The following BLOC1S5 variants were observed in gnomAD, a reference collection of about 807,000 sequenced individuals.
BLOC1S5 encodes the protein biogenesis of lysosome-related organelles complex 1 subunit 5.
A neutral mutation model predicts 24.3 loss-of-function variants in BLOC1S5; 27 were observed. The observed-to-expected ratio is 1.11, with a 90% CI of 0.82 to 1.53. The LOEUF (loss-of-function observed/expected upper bound fraction) is 1.53, where lower values mean the gene tolerates loss of function less well. BLOC1S5 is among the 40% of genes most tolerant of loss of function. The pLI is 0.00. For synonymous variants in BLOC1S5, 84 were observed against 74.5 expected, an observed-to-expected ratio of 1.13 and a Z score of -0.66; for missense variants, 239 against 229.4, an observed-to-expected ratio of 1.04 and a Z score of -0.27.
chr6:8,044,315 T>C (rs898377481), intron 2 of BLOC1S5, among the ~76,000 whole-genome samples: 5 of 148,830 alleles, frequency 3.4e-5, no homozygotes, highest in South Asian at 2.1e-4. Flanking sequence ...GAAGGAAGTG[T>C]CTTTCGCCTC....
chr6:8,041,581 G>A (rs370071053), intron 2 of BLOC1S5, among the ~76,000 whole-genome samples: 38 of 150,666 alleles, frequency 2.5e-4, no homozygotes, highest in African/African-American at 8.5e-4. Flanking sequence ...CAAAGTGCTG[G>A]GATTATAATC....
intron 3 of BLOC1S5, among the ~76,000 whole-genome samples, chr6:8,031,608 G>GAA (rs151232715): frequency 4.6e-5 from 7 of 151,154 alleles, no homozygotes; most frequent in Admixed American, 2.6e-4. Context: ...CACAGCACTA[G>GAA]AAAAAAAAAT....
intron 3 of BLOC1S5, among the ~76,000 whole-genome samples, chr6:8,028,070 T>C (rs568502320): frequency 6.6e-6 from 1 of 152,178 alleles, no homozygotes; most frequent in Non-Finnish European, 1.5e-5. Flanking sequence ...CATTTATTAA[T>C]ATCTTGCCTT....
rs559554184 is a variant in BLOC1S5 at position 8,015,402 on chromosome 6, A to T, written c.*247T>A. 9 of 428,646 alleles carry T rather than the reference A, an allele frequency of 2.1e-5. No individual in the cohort carries two copies. The South Asian group carries it at 3.9e-4, about 19-fold the overall frequency. The allele number at this position is 428,646 out of a possible 1,614,324, so 26.6% of individuals were successfully genotyped here. On this transcript the variant is annotated 3_prime_UTR_variant, in exon 5 of 5. Transcript: ENST00000397457. ...ATTCTGACTAACAAAGAGTATATTG[A>T]TTCCATTTTCCTTCCTACTCCTCTT...
chr6:8,057,273 C>T lies in BLOC1S5; in HGVS notation c.195+5261G>A, dbSNP rs1764347041. Among the ~76,000 whole-genome samples the T allele has an allele frequency of 2.6e-5, 4 of 152,072 alleles. No homozygotes were observed. The South Asian group carries it at 8.3e-4, about 31-fold the overall frequency. ...CAAAAAAACCCCAAAAAACCCATGA[C>T]ACTATTATACAAAAAAGACGTTAGA... On this transcript the variant is annotated intron_variant, in intron 2 of 4. Coordinates refer to ENST00000397457, the MANE Select transcript of BLOC1S5 (RefSeq NM_201280.3).
intron 4 of BLOC1S5, among the ~76,000 whole-genome samples, chr6:8,022,247 G>C (rs1174517245): frequency 1.3e-5 from 2 of 149,438 alleles, no homozygotes; most frequent in South Asian, 2.2e-4. Context: ...CTGGCATCTA[G>C]TAGGCAGAGG....
At chr6:8,017,009 G>T (rs1762764075) in intron 4 of BLOC1S5, among the ~76,000 whole-genome samples, 1 of 151,918 alleles carries the variant, frequency 6.6e-6, no homozygotes, top group Non-Finnish European at 1.5e-5. Context: ...AGGATGAAAG[G>T]TTTTTTCTTT....
intron 3 of BLOC1S5, among the ~76,000 whole-genome samples, chr6:8,035,984 C>T (rs1417719871): frequency 2.0e-5 from 3 of 152,062 alleles, no homozygotes; most frequent in Admixed American, 6.6e-5. Context: ...TCTTAGGCCA[C>T]AAAACAAGTC....
rs1757373898 is a variant in BLOC1S5, at chr6:8,064,309, CTCT to C, written c.65_67del (p.Lys22del). 1 of 1,613,624 alleles carries C rather than the reference CTCT, an allele frequency of 6.2e-7. No homozygotes were observed. On this transcript the variant is annotated inframe_deletion, in exon 1 of 5. Transcript: ENST00000397457. ...TGAGCCCGCAGTCCCCAGGGAGTCC[CTCT>C]TCTTGCTGCCACCGCCCGGGGCGGC... is the stretch of plus-strand genomic sequence containing the variant.
At chr6:8,039,862 G>A (rs1763619423) in intron 3 of BLOC1S5, among the ~76,000 whole-genome samples, 3 of 152,120 alleles carry the variant, frequency 2.0e-5, no homozygotes, top group Admixed American at 6.6e-5. Flanking sequence ...CACAAATATG[G>A]AATTTAATTA....
At chr6:8,046,509 T>A (rs1179885837) in intron 2 of BLOC1S5, among the ~76,000 whole-genome samples, 1 of 151,850 alleles carries the variant, frequency 6.6e-6, no homozygotes, top group African/African-American at 2.4e-5. Flanking sequence ...TGAGGTTTTT[T>A]ATTTTTTTTG....
intron 2 of BLOC1S5, among the ~76,000 whole-genome samples, chr6:8,060,999 A>G (rs1456143997): frequency 6.6e-6 from 1 of 151,904 alleles, no homozygotes; most frequent in African/African-American, 2.4e-5. Flanking sequence ...TAATTTTTGT[A>G]TTTTTTTAAG....
intron 2 of BLOC1S5, among the ~76,000 whole-genome samples, chr6:8,050,269 A>C (rs773750972): frequency 1.3e-5 from 2 of 152,122 alleles, no homozygotes; most frequent in Non-Finnish European, 2.9e-5. Flanking sequence ...CTGTTGTCAT[A>C]GTTTTGGGGC....
intron 2 of BLOC1S5, among the ~76,000 whole-genome samples, 163 bp downstream of exon 2, chr6:8,062,371 T>C (rs780763202): frequency 2.1e-4 from 32 of 152,198 alleles, no homozygotes; most frequent in Non-Finnish European, 4.4e-4. Flanking sequence ...ATGGAACTTA[T>C]CCCATTAAAA....
chr6:8,046,004 G>A (rs1245860507), intron 2 of BLOC1S5, among the ~76,000 whole-genome samples: 1 of 152,028 alleles, frequency 6.6e-6, no homozygotes, highest in Non-Finnish European at 1.5e-5. Flanking sequence ...GATTTGGAGG[G>A]GCCAAAGGTG....
At chr6:8,055,650 C>A (rs1764280404) in intron 2 of BLOC1S5, among the ~76,000 whole-genome samples, 1 of 152,092 alleles carries the variant, frequency 6.6e-6, no homozygotes, top group African/African-American at 2.4e-5. Context: ...GTATAACTCC[C>A]TTTTTCGTTT....
At chr6:8,064,230 G>A in intron 1 of BLOC1S5, 35 bp downstream of exon 1, 1 of 1,559,822 alleles carries the variant, frequency 6.4e-7, no homozygotes, top group Non-Finnish European at 8.7e-7. Context: ...GCTGTGCTGG[G>A]ATCCACCAGG....
chr6:8,047,478 T>C (rs1237811021), intron 2 of BLOC1S5, among the ~76,000 whole-genome samples: 1 of 152,212 alleles, frequency 6.6e-6, no homozygotes, highest in East Asian at 1.9e-4. Context: ...AGTGTTCACA[T>C]TCCCTCAAAT....
intron 4 of BLOC1S5, among the ~76,000 whole-genome samples, chr6:8,022,679 G>C (rs1762963250): frequency 7.4e-6 from 1 of 135,820 alleles, no homozygotes. Context: ...CCGCCTCCCG[G>C]GTTCACGCCA....
Sources: gnomAD v4.1 joint callset for allele counts (sites outside exome capture counted in the v4.1 genomes callset) on GRCh38, gnomAD v4.1.1 for gene constraint, MANE v1.5 for transcripts, NCBI Gene and HGNC (gene_info 2026-07-23, HGNC 2026-07-21) for gene names.